ZBTB7A: variants seen among roughly 807,000 people sequenced by gnomAD.
ZBTB7A encodes zinc finger and BTB domain containing 7A, also known as zinc finger and BTB domain-containing protein 7A.
A neutral mutation model predicts 26.7 loss-of-function variants in ZBTB7A; 7 were observed. The ratio of observed to expected loss-of-function variants is 0.26; its 90% CI spans 0.15 to 0.49. ZBTB7A has a LOEUF of 0.49. Ranked by LOEUF, ZBTB7A falls within the 20% of genes least tolerant of loss-of-function variation. The pLI is 0.98. For synonymous variants in ZBTB7A, 452 were observed against 441.0 expected (o/e 1.02, Z -0.31); for missense variants, 617 against 919.5 (o/e 0.67, Z 4.25).
chr19:4,061,951 T>C (rs2040642387), intron 1 of ZBTB7A: 3 of 152,264 alleles, frequency 2.0e-5, no homozygotes, highest in African/African-American at 7.2e-5. Flanking sequence ...CCCATCCTTG[T>C]CCACCCTGCC....
chr19:4,052,262 C>CACCCCTCTG lies in ZBTB7A; in HGVS notation c.1262+1708_1262+1709insCAGAGGGGT, dbSNP rs1320696046. ...CCTTCGCTCAGCCTGGTCCCCTCTG[C>CACCCCTCTG]AGACCCCAGTTCTCTGCACCCCACC... On this transcript the variant is annotated intron_variant, in intron 2 of 2. Coordinates refer to ENST00000322357, the MANE Select transcript of ZBTB7A (RefSeq NM_015898.4). This position sits in a 1 kb window ranked among gnomAD's most constrained non-coding sequence, Gnocchi z 4.9. 1.3e-5 allele frequency among the ~76,000 whole-genome samples: 2 copies of CACCCCTCTG among 152,284 alleles called. No individual in the cohort carries two copies. Among genetic ancestry groups the CACCCCTCTG allele is most frequent in the East Asian group, 3.9e-4 (2 of 5,184 alleles).
chr19:4,046,143 G>A lies in ZBTB7A; in HGVS notation c.*1609C>T, dbSNP rs1295383598. The A allele has an allele frequency of 7.5e-6, 3 of 398,430 alleles. No homozygotes were observed. The highest frequency in any genetic ancestry group is 1.3e-4 in the South Asian group (1 of 7,824). 24.7% of individuals were successfully genotyped at this position (398,430 alleles called of 1,614,324 possible). On this transcript the variant is annotated 3_prime_UTR_variant, in exon 3 of 3. Transcript: ENST00000322357. ...GAAGCGGGCGCTAAGACCTCTTCAC[G>A]TCAGAACCAAAAAAGGGGACAGAAA...
At chr19:4,053,425 GTGTGCGCATGTACGTGTC>G (rs2144987170) in intron 2 of ZBTB7A, among the ~76,000 whole-genome samples, 1 of 152,320 alleles carries the variant, frequency 6.6e-6, no homozygotes, top group East Asian at 1.9e-4. Flanking sequence ...GTGCATGTAT[GTGTGCGCATGTACGTGTC>G]TGTGTGCATG....
chr19:4,061,045 G>GT (rs2040633049), intron 1 of ZBTB7A, among the ~76,000 whole-genome samples: 1 of 152,170 alleles, frequency 6.6e-6, no homozygotes, highest in South Asian at 2.1e-4. Flanking sequence ...GATGGGGGTC[G>GT]TAACAGTGGA....
chr19:4,060,918 C>T (rs1472210736), intron 1 of ZBTB7A, among the ~76,000 whole-genome samples: 1 of 152,204 alleles, frequency 6.6e-6, no homozygotes, highest in Non-Finnish European at 1.5e-5. Flanking sequence ...CCAAAGGGAC[C>T]TCTCACCCCT....
chr19:4,047,692 ATTT>A lies in ZBTB7A; in HGVS notation c.*57_*59del. ...TGTGTTTTTGGGGGGGTGGTGGGTG[ATTT>A]TTTTTCTCTCTCTCTGTCTCTCTCT... On this transcript the variant is annotated 3_prime_UTR_variant, in exon 3 of 3. Transcript: ENST00000322357. 6.5e-7 allele frequency: 1 copy of A among 1,531,156 alleles called. No homozygotes were observed. Among genetic ancestry groups the A allele is most frequent in the South Asian group, 1.2e-5 (1 of 80,222 alleles). 94.8% of individuals were successfully genotyped at this position (1,531,156 alleles called of 1,614,324 possible).
At position 4,043,546 on chromosome 19, in the gene ZBTB7A, GCCGCC is replaced by G. The variant is rs1046681835; in HGVS notation, c.*4201_*4205del. 6.6e-6 allele frequency among the ~76,000 whole-genome samples: 1 copy of G among 150,894 alleles called. No homozygotes were observed. The highest frequency in any genetic ancestry group is 1.5e-5 in the Non-Finnish European group (1 of 67,778). On this transcript the variant is annotated 3_prime_UTR_variant, in exon 3 of 3. Coordinates refer to ENST00000322357, the MANE Select transcript of ZBTB7A (RefSeq NM_015898.4). ...TGTCTGTGCTCTGTACCCTGAGGGCGCCGCCCCGCCCCCCATTCACCAGGCCTGGC... is the reference window on the plus strand; with the variant it reads ...TGTCTGTGCTCTGTACCCTGAGGGCGCCGCCCCCCATTCACCAGGCCTGGC...
At position 4,055,242 on chromosome 19, in the gene ZBTB7A, C is replaced by A; in HGVS notation, c.-10G>T. The A allele has an allele frequency of 6.8e-7, 1 of 1,480,064 alleles. No individual in the cohort carries two copies. Among genetic ancestry groups the A allele is most frequent in the Non-Finnish European group, 9.0e-7 (1 of 1,115,714 alleles). 91.7% of individuals were successfully genotyped at this position (1,480,064 alleles called of 1,614,324 possible). On this transcript the variant is annotated 5_prime_UTR_variant, in exon 2 of 3. Coordinates refer to ENST00000322357, the MANE Select transcript of ZBTB7A (RefSeq NM_015898.4). ...CCACGCCGCCGGCCATCTTCCGCGC[C>A]GAGACCTGCAGCAGTGGGGAAGGAG...
Position 4,053,492 on chromosome 19 carries a change from T to C in ZBTB7A, c.1262+479A>G, listed in dbSNP as rs946197572. The stretch of plus-strand genomic sequence containing the variant: ...GTCTGGGGGTGCGTGTGCATCTGTG[T>C]GCGTGCCTGGGTGTGCGTGTGTGCG... On this transcript the variant is annotated intron_variant, in intron 2 of 2. Transcript: ENST00000322357. Among the ~76,000 whole-genome samples, 21 of 112,908 alleles carry C rather than the reference T, an allele frequency of 1.9e-4. No individual in the cohort carries two copies. In the South Asian group the frequency reaches 4.0e-3, roughly 22 times the overall value. The allele number at this position is 112,908 out of a possible 152,430, so 74.1% of individuals were successfully genotyped here.
At chr19:4,058,170 T>C (rs914377415) in intron 1 of ZBTB7A, among the ~76,000 whole-genome samples, 2 of 152,140 alleles carry the variant, frequency 1.3e-5, no homozygotes, top group African/African-American at 2.4e-5. Flanking sequence ...GCCCCCAGCA[T>C]AGGGCTCAGC....
At position 4,058,874 on chromosome 19, in the gene ZBTB7A, C is replaced by T. The variant is rs536479097; in HGVS notation, c.-15-3627G>A. On this transcript the variant is annotated intron_variant, in intron 1 of 2. Coordinates refer to ENST00000322357, the MANE Select transcript of ZBTB7A (RefSeq NM_015898.4). ...CCACCACGCTCCCCAGGCCCCTCCA[C>T]CCGCCTTCCTTCCCTCCTTCCAGCC... Among the ~76,000 whole-genome samples, 10 of 152,332 alleles carry T rather than the reference C, an allele frequency of 6.6e-5. No individual in the cohort carries two copies. The South Asian group carries it at 2.1e-3, about 32-fold the overall frequency.
In ZBTB7A at chr19:4,054,597, G is replaced by T. The variant is rs751978994; in HGVS notation, c.636C>A (p.Gly212=). The change falls in exon 2 of 3, where the codon GGC becomes GGA. Residue 212 remains glycine (G), a synonymous_variant. Coordinates refer to ENST00000322357, the MANE Select transcript of ZBTB7A (RefSeq NM_015898.4). ...CATAGAAGTCTAAGCCGTTGCAGTC[G>T]CCCGCGGCCACGGCGGCCACAGCGG... is the stretch of plus-strand genomic sequence containing the variant. ...VAAAVAAVAA[G]DCNGLDFYGP... is the part of the protein sequence containing the mutation. The T allele has an allele frequency of 1.9e-6, 3 of 1,572,454 alleles. No individual in the cohort carries two copies. The highest frequency in any genetic ancestry group is 1.4e-5 in the African/African-American group (1 of 73,886).
Position 4,045,818 on chromosome 19 carries a change from G to C in ZBTB7A, c.*1934C>G. 2.5e-6 allele frequency: 1 copy of C among 398,660 alleles called. No homozygotes were observed. Among genetic ancestry groups the C allele is most frequent in the East Asian group, 3.6e-5 (1 of 28,064 alleles). The allele number at this position is 398,660 out of a possible 1,614,324, so 24.7% of individuals were successfully genotyped here. A position where few individuals can be genotyped will look rare whatever the true frequency, so the allele number is the denominator to read the frequency against. ...TGTGGCTCGGTCAACACCGGGCCTTGTGGGAGCCAGAGGTTGGGGGGAGGC... is the reference window on the plus strand; with the variant it reads ...TGTGGCTCGGTCAACACCGGGCCTTCTGGGAGCCAGAGGTTGGGGGGAGGC... On this transcript the variant is annotated 3_prime_UTR_variant, in exon 3 of 3. Transcript: ENST00000322357. The surrounding 1 kb of genome is among the most constrained non-coding windows in gnomAD (Gnocchi z 4.1).
chr19:4,049,678 G>A lies in ZBTB7A; in HGVS notation c.1263-1434C>T, dbSNP rs547021733. ...GGCAGTTGGTCACCCTAGTAACCAA[G>A]TCCCCACCCCACGACACCCAGGACT... On this transcript the variant is annotated intron_variant, in intron 2 of 2. Transcript: ENST00000322357. Among the ~76,000 whole-genome samples the A allele has an allele frequency of 9.1e-4, 138 of 152,238 alleles. 1 individual carries two copies. Among genetic ancestry groups the A allele is most frequent in the Non-Finnish European group, 1.8e-3 (121 of 68,004 alleles).
rs11483656 is a variant in ZBTB7A at position 4,044,671 on chromosome 19, CTT to C, written c.*3079_*3080del. The C allele has an allele frequency of 5.3e-5, 7 of 133,200 alleles. No individual in the cohort carries two copies. The South Asian group carries it at 1.1e-3, about 22-fold the overall frequency. 8.3% of individuals were successfully genotyped at this position (133,200 alleles called of 1,614,324 possible). A position where few individuals can be genotyped will look rare whatever the true frequency, so the allele number is the denominator to read the frequency against. ...GAAATAACAATTTCGCATTGTTTTT[CTT>C]TTTTTTTTTTCTCTTTTTTTTTTTG... On this transcript the variant is annotated 3_prime_UTR_variant, in exon 3 of 3. Coordinates refer to ENST00000322357, the MANE Select transcript of ZBTB7A (RefSeq NM_015898.4).
At chr19:4,053,640 CATGT>C (rs2040531256) in intron 2 of ZBTB7A, among the ~76,000 whole-genome samples, 1 of 147,078 alleles carries the variant, frequency 6.8e-6, no homozygotes, top group African/African-American at 2.6e-5. Flanking sequence ...TCTGTGTCTG[CATGT>C]GTCTGTGTAG....
rs763863211 is a variant in ZBTB7A, at chr19:4,048,259, C to A, written c.1263-15G>T. On this transcript the variant is annotated splice_polypyrimidine_tract_variant and intron_variant, in intron 2 of 2. Transcript: ENST00000322357. This position sits in a 1 kb window ranked among gnomAD's most constrained non-coding sequence, Gnocchi z 6.7. ...GCTTGTCCTGCCTGTGGACGGGGCACGGGGCGGGCACGGTCAGTGGGGCCG... is the reference window on the plus strand; with the variant it reads ...GCTTGTCCTGCCTGTGGACGGGGCAAGGGGCGGGCACGGTCAGTGGGGCCG... The A allele has an allele frequency of 5.7e-6, 9 of 1,573,760 alleles. No individual in the cohort carries two copies. In the Admixed American group the frequency reaches 1.6e-4, roughly 28 times the overall value.
chr19:4,045,947 C>T lies in ZBTB7A; in HGVS notation c.*1805G>A. The stretch of plus-strand genomic sequence containing the variant: ...TTCTAAGGCCCTGGAGGTGGGGGGC[C>T]CCTGTCACCCACCTCAGCAGGGTAG... On this transcript the variant is annotated 3_prime_UTR_variant, in exon 3 of 3. Transcript: ENST00000322357. The surrounding 1 kb of genome is among the most constrained non-coding windows in gnomAD (Gnocchi z 4.1). The T allele has an allele frequency of 2.5e-6, 1 of 398,636 alleles. No individual in the cohort carries two copies. The highest frequency in any genetic ancestry group is 4.4e-6 in the Non-Finnish European group (1 of 226,046). 24.7% of individuals were successfully genotyped at this position (398,636 alleles called of 1,614,324 possible).
Position 4,054,790 on chromosome 19 carries a change from T to G in ZBTB7A, c.443A>C (p.Gln148Pro). Residue 148 changes from glutamine (Q) to proline (P), a missense_variant, in exon 2 of 3, where the codon CAA (glutamine) becomes CCA (proline). This residue lies in a region of ZBTB7A where 331 missense variants were observed against 391.3 expected (regional missense o/e 0.85). Coordinates refer to ENST00000322357, the MANE Select transcript of ZBTB7A (RefSeq NM_015898.4). The part of the protein sequence containing the change: ...ADAGQLDLVD[Q>P]IDQRNLLRAK... ...GCGGAGGAGGTTGCGCTGATCAATT[T>G]GATCTACAAGGTCCAGCTGCCCGGC... is the stretch of plus-strand genomic sequence containing the variant. 6.3e-7 allele frequency: 1 copy of G among 1,586,158 alleles called. No homozygotes were observed. Among genetic ancestry groups the G allele is most frequent in the Non-Finnish European group, 8.6e-7 (1 of 1,165,854 alleles).
Sources: gnomAD v4.1 joint callset for allele counts (sites outside exome capture counted in the v4.1 genomes callset) on GRCh38, gnomAD v4.1.1 for gene constraint, gnomAD v4.1.1 regional missense constraint, Gnocchi (gnomAD v3.1) non-coding constraint, MANE v1.5 for transcripts, NCBI Gene and HGNC (gene_info 2026-07-23, HGNC 2026-07-21) for gene names.